WDR7: variants seen among roughly 807,000 people sequenced by gnomAD.
The protein encoded by WDR7 is WD repeat-containing protein 7.
A neutral mutation model predicts 169.4 loss-of-function variants in WDR7; 46 were observed. That is an observed-to-expected ratio of 0.27 (90% confidence interval 0.21 to 0.35). The LOEUF (loss-of-function observed/expected upper bound fraction) is 0.35, where lower values mean the gene tolerates loss of function less well. WDR7 is among the 10% of genes least tolerant of loss of function. The probability of loss-of-function intolerance (pLI) is 1.00; values close to 1 mark genes in which losing one functional copy is unlikely to be tolerated. For missense variants in WDR7, 1,534 were observed against 1,859.3 expected, an observed-to-expected ratio of 0.83 and a Z score of 3.22; for synonymous variants, 612 against 666.8, an observed-to-expected ratio of 0.92 and a Z score of 1.27.
chr18:56,743,128 A>G (rs2043645485), intron 14 of WDR7, among the ~76,000 whole-genome samples: 1 of 152,150 alleles, frequency 6.6e-6, no homozygotes, highest in Non-Finnish European at 1.5e-5. Context: ...AGGTTTTCTG[A>G]TTGGGTGATA....
chr18:56,792,336 T>C (rs1258129905), intron 19 of WDR7, among the ~76,000 whole-genome samples: 2 of 152,176 alleles, frequency 1.3e-5, no homozygotes, highest in African/African-American at 4.8e-5. Flanking sequence ...TCTAATGATA[T>C]ATAAGTGATC....
At chr18:56,909,342 A>G (rs925207205) in intron 21 of WDR7, among the ~76,000 whole-genome samples, 4 of 152,080 alleles carry the variant, frequency 2.6e-5, no homozygotes, top group Non-Finnish European at 5.9e-5. Flanking sequence ...TTTAAAAATT[A>G]TACTCCCTCC....
At chr18:56,980,734 T>C (rs2047632145) in intron 26 of WDR7, among the ~76,000 whole-genome samples, 1 of 152,018 alleles carries the variant, frequency 6.6e-6, no homozygotes, top group South Asian at 2.1e-4. Flanking sequence ...TATGGAGACA[T>C]CAAGTGGATG....
chr18:56,824,551 A>G (rs1219278591), intron 20 of WDR7, among the ~76,000 whole-genome samples: 1 of 152,164 alleles, frequency 6.6e-6, no homozygotes, highest in Non-Finnish European at 1.5e-5. Context: ...ATTTACTTAA[A>G]CACATTTGCT....
intron 1 of WDR7, among the ~76,000 whole-genome samples, chr18:56,655,822 T>C (rs1198957486): frequency 6.6e-6 from 1 of 152,168 alleles, no homozygotes; most frequent in Non-Finnish European, 1.5e-5. Context: ...TCTTTTGAAA[T>C]TGAGATTCAT....
chr18:56,714,045 T>C (rs1291255711), intron 12 of WDR7, among the ~76,000 whole-genome samples: 1 of 152,226 alleles, frequency 6.6e-6, no homozygotes, highest in Non-Finnish European at 1.5e-5. Flanking sequence ...AGACATTTGC[T>C]TTGTTTATAC....
rs1202122311 is a variant in WDR7, at chr18:56,981,839, G to C, written c.4164+19310G>C. Among the ~76,000 whole-genome samples, 3 of 152,256 alleles carry C rather than the reference G, an allele frequency of 2.0e-5. No individual in the cohort carries two copies. The East Asian group carries it at 5.8e-4, about 29-fold the overall frequency. On this transcript the variant is annotated intron_variant, in intron 26 of 27. Transcript: ENST00000254442. ...CTGCTTAGCTTGAAAAGTAAGAGAA[G>C]AGATAGAAGAGAGTTTTGCTTTTTA...
At chr18:56,820,350 A>AG in intron 20 of WDR7, among the ~76,000 whole-genome samples, 1 of 145,322 alleles carries the variant, frequency 6.9e-6, no homozygotes, top group Non-Finnish European at 1.5e-5. Flanking sequence ...AAAAAAAAAA[A>AG]AAAAAAAAAA....
In WDR7 at chr18:57,021,305, G is replaced by A. The variant is rs112555879; in HGVS notation, c.4269+456G>A. ...AAGGGCCGGCATGTTTGAGGGCCTG[G>A]CCTGAGAGGAATCGGGCAGGAGAAG... On this transcript the variant is annotated intron_variant, in intron 27 of 27. Coordinates refer to ENST00000254442, the MANE Select transcript of WDR7 (RefSeq NM_015285.3). Among the ~76,000 whole-genome samples, 276 of 152,284 alleles carry A rather than the reference G, an allele frequency of 1.8e-3. 4 individuals are homozygous for A. The highest frequency in any genetic ancestry group is 6.8e-3 in the Middle Eastern group (2 of 294).
At chr18:56,958,560 C>A (rs1195105044) in intron 25 of WDR7, among the ~76,000 whole-genome samples, 4 of 151,982 alleles carry the variant, frequency 2.6e-5, no homozygotes, top group Non-Finnish European at 5.9e-5. Flanking sequence ...TCAGCTCATG[C>A]AATCTTTTCT....
chr18:56,924,514 C>T (rs1377818843), intron 22 of WDR7, among the ~76,000 whole-genome samples: 2 of 152,160 alleles, frequency 1.3e-5, no homozygotes, highest in Non-Finnish European at 2.9e-5. Context: ...GCTTTTAAAT[C>T]AACTACGTTG....
At chr18:56,962,408 GT>G in intron 25 of WDR7, 21 bp from the exon 26 acceptor site, 1 of 1,609,698 alleles carries the variant, frequency 6.2e-7, no homozygotes, top group Non-Finnish European at 8.5e-7. Flanking sequence ...TTTTGTTTTT[GT>G]TGTTAAAATG....
intron 20 of WDR7, among the ~76,000 whole-genome samples, chr18:56,832,613 C>T (rs2045331482): frequency 6.6e-6 from 1 of 152,174 alleles, no homozygotes. Context: ...CTGGCAGGTG[C>T]CCCTCTGTGA....
chr18:56,851,104 T>C (rs1041239829), intron 20 of WDR7, among the ~76,000 whole-genome samples: 3 of 141,890 alleles, frequency 2.1e-5, no homozygotes, highest in Non-Finnish European at 4.4e-5. Flanking sequence ...ATGATCTCTA[T>C]AAAATATAAA....
intron 26 of WDR7, among the ~76,000 whole-genome samples, chr18:56,969,336 G>C (rs967197550): frequency 6.6e-6 from 1 of 152,100 alleles, no homozygotes; most frequent in African/African-American, 2.4e-5. Flanking sequence ...TAGGCTCTTG[G>C]CCTTTCCTCA....
At chr18:56,792,266 T>G (rs769909945) in intron 19 of WDR7, among the ~76,000 whole-genome samples, 1 of 152,140 alleles carries the variant, frequency 6.6e-6, no homozygotes, top group Non-Finnish European at 1.5e-5. Flanking sequence ...GATCCTCCCT[T>G]CTTGACTTCT....
chr18:56,887,467 C>T (rs57503461), intron 21 of WDR7, among the ~76,000 whole-genome samples: 4 of 151,998 alleles, frequency 2.6e-5, no homozygotes, highest in African/African-American at 9.7e-5. Context: ...TATTTATGAG[C>T]GATTTTGGGA....
chr18:56,849,185 G>A (rs1364338784), intron 20 of WDR7, among the ~76,000 whole-genome samples: 1 of 151,816 alleles, frequency 6.6e-6, no homozygotes, highest in Non-Finnish European at 1.5e-5. Context: ...GTGTAATCTG[G>A]TCTTCTGCCT....
At position 56,840,093 on chromosome 18, in the gene WDR7, CA is replaced by C. The variant is rs546099441; in HGVS notation, c.3304+23956del. Among the ~76,000 whole-genome samples the C allele has an allele frequency of 2.2e-3, 331 of 151,688 alleles. 2 individuals carry two copies. Among genetic ancestry groups the C allele is most frequent in the African/African-American group, 7.6e-3 (314 of 41,378 alleles). ...AAAACAAAACAACAACAAAAACAAACAAAAAAATAAGCAAAAACACTGAAAG... is the reference window on the plus strand; with the variant it reads ...AAAACAAAACAACAACAAAAACAAACAAAAAATAAGCAAAAACACTGAAAG... On this transcript the variant is annotated intron_variant, in intron 20 of 27. Coordinates refer to ENST00000254442, the MANE Select transcript of WDR7 (RefSeq NM_015285.3).
Sources: allele counts gnomAD v4.1 joint callset (sites outside exome capture counted in the v4.1 genomes callset), GRCh38; gene constraint gnomAD v4.1.1; transcripts MANE v1.5; gene names NCBI Gene and HGNC (gene_info 2026-07-23, HGNC 2026-07-21).